The following TRIM10 variants were observed in gnomAD, a reference collection of about 807,000 sequenced individuals.
The protein encoded by TRIM10 is tripartite motif containing 10, also known as tripartite motif-containing protein 10.
Under a neutral mutation model 40.0 loss-of-function variants are expected in TRIM10, and 42 were observed. The ratio of observed to expected loss-of-function variants is 1.05; its 90% CI spans 0.82 to 1.36. The LOEUF (loss-of-function observed/expected upper bound fraction) is 1.36. Among genes scored for constraint, TRIM10 ranks in the 40% most tolerant of loss-of-function variants. The pLI is 0.00. For synonymous variants in TRIM10, 260 were observed against 239.5 expected (o/e 1.09, Z -0.79); for missense variants, 601 against 608.3 (o/e 0.99, Z 0.13).
Position 30,160,891 on chromosome 6 carries a change from A to C in TRIM10, c.-33T>G. ...CTGCTGCTATGGCTTCCTCAAGGCC[A>C]CTCTCTCTGCTTGGCCACGGGGGAA... On this transcript the variant is annotated 5_prime_UTR_variant, in exon 1 of 7. Transcript: ENST00000449742. 3 of 1,558,120 alleles carry C rather than the reference A, an allele frequency of 1.9e-6. No individual in the cohort carries two copies. Among genetic ancestry groups the C allele is most frequent in the Non-Finnish European group, 2.6e-6 (3 of 1,155,980 alleles).
At chr6:30,158,201 G>T (rs1032708591) in intron 3 of TRIM10, among the ~76,000 whole-genome samples, 198 bp downstream of exon 3, 2 of 152,206 alleles carry the variant, frequency 1.3e-5, no homozygotes, top group African/African-American at 2.4e-5. Context: ...GGGACGGAGA[G>T]GTGGAGACCA....
At chr6:30,160,335 A>C in intron 1 of TRIM10, 95 bp downstream of exon 1, 7 of 1,368,052 alleles carry the variant, frequency 5.1e-6, no homozygotes, top group Non-Finnish European at 6.9e-6. Flanking sequence ...AGGAGAAAGA[A>C]TTTGGCCTCC....
chr6:30,155,335 C>G (rs1293845352), intron 6 of TRIM10, among the ~76,000 whole-genome samples: 2 of 152,098 alleles, frequency 1.3e-5, no homozygotes, highest in Non-Finnish European at 2.9e-5. Flanking sequence ...TGATTATAAA[C>G]CCAGATCAAA....
Position 30,154,262 on chromosome 6 carries a change from T to C in TRIM10, c.1153A>G (p.Ser385Gly). 6.2e-7 allele frequency: 1 copy of C among 1,613,042 alleles called. No homozygotes were observed. Among genetic ancestry groups the C allele is most frequent in the South Asian group, 1.1e-5 (1 of 91,062 alleles). ...HGGSCTVGVV[S>G]EDVQRKGELR... ...TCCCCCTTCCGCTGCACATCCTCGCTCACCACGCCCACGGTGCAGCTGCCC... is the reference window on the plus strand; with the variant it reads ...TCCCCCTTCCGCTGCACATCCTCGCCCACCACGCCCACGGTGCAGCTGCCC... Residue 385 changes from serine (S) to glycine (G), a missense_variant, in exon 7 of 7, where the codon AGC becomes GGC. Transcript: ENST00000449742.
intron 5 of TRIM10, among the ~76,000 whole-genome samples, chr6:30,156,406 C>T (rs1419298759): frequency 6.6e-6 from 1 of 152,040 alleles, no homozygotes; most frequent in Non-Finnish European, 1.5e-5. Context: ...CATCCAAACC[C>T]TCCCCCACAC....
intron 1 of TRIM10, 58 bp downstream of exon 1, chr6:30,160,372 G>A: frequency 6.4e-7 from 1 of 1,550,830 alleles, no homozygotes; most frequent in Non-Finnish European, 8.7e-7. Context: ...CCACAACTCT[G>A]CTGTTTCTCT....
At chr6:30,161,543 A>T (rs1773092506), upstream of TRIM10, among the ~76,000 whole-genome samples, 1 of 148,638 alleles carries the variant, frequency 6.7e-6, no homozygotes, top group Admixed American at 6.7e-5. Flanking sequence ...GATACAAGCA[A>T]TTTGGCCAGA....
chr6:30,163,126 A>G (rs1397279369), upstream of TRIM10: 1 of 155,960 alleles, frequency 6.4e-6, no homozygotes, highest in Non-Finnish European at 1.4e-5. Context: ...CTTACACCCT[A>G]CCTGCAGTGT....
chr6:30,155,648 T>G (rs1316468768), intron 6 of TRIM10, 79 bp downstream of exon 6: 3 of 1,316,076 alleles, frequency 2.3e-6, no homozygotes, highest in Non-Finnish European at 2.2e-6. Flanking sequence ...CATAACATAG[T>G]CATAGTGCAA....
At chr6:30,158,870 T>C (rs1346677451) in intron 2 of TRIM10, among the ~76,000 whole-genome samples, 1 of 152,168 alleles carries the variant, frequency 6.6e-6, no homozygotes, top group Non-Finnish European at 1.5e-5. Flanking sequence ...CCTCCTGTCT[T>C]GTATGAAAAG....
rs780369847 is a variant in TRIM10 at position 30,157,004 on chromosome 6, C to T, written c.830G>A (p.Gly277Asp). 7 of 1,612,956 alleles carry T rather than the reference C, an allele frequency of 4.3e-6. No homozygotes were observed. In the African/African-American group the frequency reaches 8.0e-5, roughly 18 times the overall value. The part of the protein sequence containing the change: ...RKPVAVSPEL[G>D]QRIRDFPQQA... ...CTGGGGAAAGTCCCGAATCCTCTGG[C>T]CCAGCTCTGGCGACACAGCCACCGG... The change falls in exon 5 of 7, where the codon GGC (glycine) becomes GAC (aspartate). Residue 277 changes from glycine (G) to aspartate (D), a missense_variant. Transcript: ENST00000449742.
At chr6:30,163,890 C>T (rs771120576), upstream of TRIM10, 3 of 1,612,958 alleles carry the variant, frequency 1.9e-6, no homozygotes, top group Admixed American at 1.7e-5. Flanking sequence ...GCAGAGACTC[C>T]CATGGCCCCT....
At chr6:30,159,343 G>A in intron 1 of TRIM10, 98 bp from the exon 2 acceptor site, 3 of 802,334 alleles carry the variant, frequency 3.7e-6, no homozygotes, top group Non-Finnish European at 6.3e-6. Flanking sequence ...AATGGCCCCA[G>A]GAGAGGAGTC....
chr6:30,157,666 T>TTTC (rs1772683033), intron 3 of TRIM10, among the ~76,000 whole-genome samples: 4 of 146,754 alleles, frequency 2.7e-5, no homozygotes, highest in Admixed American at 6.8e-5. Context: ...TCTTTTTTTT[T>TTTC]TTTTTTTTTT....
chr6:30,160,854 G>A lies in TRIM10; in HGVS notation c.5C>T (p.Ala2Val). 6.2e-7 allele frequency: 1 copy of A among 1,606,738 alleles called. No homozygotes were observed. Among genetic ancestry groups the A allele is most frequent in the Non-Finnish European group, 8.5e-7 (1 of 1,177,962 alleles). ...CAGGCTGGTCACAGAGGCAGCAGAGGCCATGCTGGTCCTGCTGCTATGGCT... is the reference window on the plus strand; with the variant it reads ...CAGGCTGGTCACAGAGGCAGCAGAGACCATGCTGGTCCTGCTGCTATGGCT... M[A>V]SAASVTSLAD... The change falls in exon 1 of 7, where the codon GCC becomes GTC. Residue 2 changes from alanine (A) to valine (V), a missense_variant. Physicochemically the swap from Ala to Val is moderately conservative, Grantham distance 64. Coordinates refer to ENST00000449742, the MANE Select transcript of TRIM10 (RefSeq NM_006778.4).
At chr6:30,163,765 G>T (rs781031500), upstream of TRIM10, 3 of 1,612,878 alleles carry the variant, frequency 1.9e-6, no homozygotes, top group Non-Finnish European at 2.5e-6. Flanking sequence ...AGGATGCGGT[G>T]ACCATTCCCT....
upstream of TRIM10, among the ~76,000 whole-genome samples, chr6:30,162,372 C>G (rs1019525476): frequency 2.0e-5 from 3 of 151,422 alleles, no homozygotes; most frequent in Non-Finnish European, 2.9e-5. Flanking sequence ...CCATTCAGAC[C>G]GGCCACATTT....
At chr6:30,159,011 T>C (rs953312718) in intron 2 of TRIM10, 139 bp downstream of exon 2, 6 of 637,878 alleles carry the variant, frequency 9.4e-6, no homozygotes, top group Admixed American at 5.8e-5. Context: ...GAGAGTTGCT[T>C]GAGGTCATAG....
chr6:30,163,875 A>T, upstream of TRIM10: 1 of 1,613,034 alleles, frequency 6.2e-7, no homozygotes, highest in Non-Finnish European at 8.5e-7. Flanking sequence ...CAAGAGGAGG[A>T]GCAGGCAGAG....
Sources: allele counts gnomAD v4.1 joint callset (sites outside exome capture counted in the v4.1 genomes callset), GRCh38; gene constraint gnomAD v4.1.1; transcripts MANE v1.5; gene names NCBI Gene and HGNC (gene_info 2026-07-23, HGNC 2026-07-21).